KANSL1L: variants seen among roughly 807,000 people sequenced by gnomAD.
The protein encoded by KANSL1L is KAT8 regulatory NSL complex subunit 1 like, also known as KAT8 regulatory NSL complex subunit 1-like protein.
KANSL1L carries 25 observed loss-of-function variants against 108.6 expected under a neutral mutation model. The ratio of observed to expected loss-of-function variants is 0.23; its 90% confidence interval spans 0.17 to 0.32. The LOEUF (loss-of-function observed/expected upper bound fraction) is 0.32. Ranked by LOEUF, KANSL1L falls within the 10% of genes least tolerant of loss-of-function variation. The pLI is 1.00. For synonymous variants in KANSL1L, 405 were observed against 395.1 expected (o/e 1.03, Z -0.30); for missense variants, 1,137 against 1,125.7 (o/e 1.01, Z -0.14).
In KANSL1L at chr2:210,154,009, A is replaced by G. The variant is rs992268959; in HGVS notation, c.574T>C (p.Leu192=). The G allele has an allele frequency of 7.4e-6, 12 of 1,613,828 alleles. No individual in the cohort carries two copies. Among genetic ancestry groups the G allele is most frequent in the Non-Finnish European group, 1.0e-5 (12 of 1,180,020 alleles). ...ATTTTCTTTTGAGTACAGTGCAATA[A>G]ACCCTTTTTAATCTCAGCATCAGTA... ...KVTDAEIKKG[L]LHCTQKKIVP... Residue 192 remains leucine (L), a synonymous_variant, in exon 2 of 15, where the codon TTA becomes CTA. Coordinates refer to ENST00000281772, the MANE Select transcript of KANSL1L (RefSeq NM_152519.4).
intron 6 of KANSL1L, among the ~76,000 whole-genome samples, chr2:210,074,960 T>A (rs969403081): frequency 6.6e-6 from 1 of 152,216 alleles, no homozygotes; most frequent in Non-Finnish European, 1.5e-5. Context: ...AAAGGAAGTA[T>A]ACCCATTATT....
At chr2:210,079,640 A>ATGTG (rs1163392635) in intron 5 of KANSL1L, among the ~76,000 whole-genome samples, 9 of 5,016 alleles carry the variant, frequency 1.8e-3, no homozygotes, top group Admixed American at 9.1e-3. Context: ...ATATATATAT[A>ATGTG]TATATATATA....
At chr2:210,117,391 A>G (rs1477434442) in intron 3 of KANSL1L, among the ~76,000 whole-genome samples, 1 of 152,160 alleles carries the variant, frequency 6.6e-6, no homozygotes, top group African/African-American at 2.4e-5. Flanking sequence ...ATTCAAGTAC[A>G]AGAAGGTTAT....
intron 1 of KANSL1L, among the ~76,000 whole-genome samples, chr2:210,164,680 G>T (rs2095377657): frequency 6.6e-6 from 1 of 151,852 alleles, no homozygotes; most frequent in South Asian, 2.1e-4. Context: ...ACACAGAAAT[G>T]AAAATATCAA....
At chr2:210,159,672 T>G (rs1301681449) in intron 1 of KANSL1L, among the ~76,000 whole-genome samples, 1 of 152,258 alleles carries the variant, frequency 6.6e-6, no homozygotes, top group Non-Finnish European at 1.5e-5. Flanking sequence ...ATTACTATTT[T>G]TTAATTGTAC....
rs928121249 is a variant in KANSL1L, at chr2:210,087,976, A to G, written c.1550+10110T>C. 3.3e-5 allele frequency among the ~76,000 whole-genome samples: 5 copies of G among 150,932 alleles called. No individual in the cohort carries two copies. The South Asian group carries it at 6.3e-4, about 19-fold the overall frequency. ...TTTGTGTGATCATTTAGGTGGTGTC[A>G]TTTTTTTTTCACAACTAGACTTTAT... is the stretch of plus-strand genomic sequence containing the variant. On this transcript the variant is annotated intron_variant, in intron 5 of 14. Transcript: ENST00000281772.
At chr2:210,042,590 G>A (rs541926006) in intron 7 of KANSL1L, among the ~76,000 whole-genome samples, 14 of 152,074 alleles carry the variant, frequency 9.2e-5, no homozygotes, top group Non-Finnish European at 1.8e-4. Context: ...ACGAAGCTTA[G>A]TTTTCTCATA....
chr2:210,085,352 A>G (rs1040357840), intron 5 of KANSL1L, among the ~76,000 whole-genome samples: 3 of 152,184 alleles, frequency 2.0e-5, no homozygotes, highest in Non-Finnish European at 1.5e-5. Context: ...TTCCACAATA[A>G]GAGTAGATGG....
chr2:210,081,155 A>C (rs2094586813), intron 5 of KANSL1L, among the ~76,000 whole-genome samples: 1 of 152,080 alleles, frequency 6.6e-6, no homozygotes, highest in African/African-American at 2.4e-5. Flanking sequence ...TAACAAGGCC[A>C]AATGGAGCAC....
chr2:210,071,033 C>T lies in KANSL1L; in HGVS notation c.1755+4519G>A, dbSNP rs550816995. Among the ~76,000 whole-genome samples the T allele has an allele frequency of 7.9e-5, 12 of 151,938 alleles. No homozygotes were observed. The South Asian group carries it at 2.5e-3, about 32-fold the overall frequency. ...ATTAGCCGGGTGTGGTGGCGGGCAC[C>T]TGTAATCCCAGCTACTTGGGAGGCT... On this transcript the variant is annotated intron_variant, in intron 6 of 14. Coordinates refer to ENST00000281772, the MANE Select transcript of KANSL1L (RefSeq NM_152519.4).
upstream of KANSL1L, among the ~76,000 whole-genome samples, chr2:210,172,150 G>C (rs1688373954): frequency 6.6e-6 from 1 of 152,090 alleles, no homozygotes; most frequent in African/African-American, 2.4e-5. Context: ...ACTTCTGAGC[G>C]TCTTGCACCT....
chr2:210,123,131 T>A (rs2125516563), intron 3 of KANSL1L, among the ~76,000 whole-genome samples: 2 of 152,188 alleles, frequency 1.3e-5, no homozygotes, highest in Middle Eastern at 6.8e-3. Context: ...GCTTGGAGCT[T>A]CCTTGAAAAA....
intron 5 of KANSL1L, among the ~76,000 whole-genome samples, chr2:210,086,609 G>A (rs958010192): frequency 6.6e-6 from 1 of 151,962 alleles, no homozygotes; most frequent in Non-Finnish European, 1.5e-5. Context: ...AATTAACCAG[G>A]TAAGTTTACT....
intron 6 of KANSL1L, among the ~76,000 whole-genome samples, chr2:210,046,722 G>A (rs2094227564): frequency 6.6e-6 from 1 of 152,108 alleles, no homozygotes; most frequent in African/African-American, 2.4e-5. Context: ...TGCCATTCAA[G>A]GTGACTTGGG....
At chr2:210,159,226 T>A (rs1437044038) in intron 1 of KANSL1L, among the ~76,000 whole-genome samples, 2 of 152,240 alleles carry the variant, frequency 1.3e-5, no homozygotes, top group Non-Finnish European at 2.9e-5. Flanking sequence ...CTCTATGCTG[T>A]ATTTGAAACA....
At chr2:210,043,453 G>A (rs2094190159) in intron 7 of KANSL1L, 1 of 154,472 alleles carries the variant, frequency 6.5e-6, no homozygotes, top group Admixed American at 6.5e-5. Context: ...CATTTACTCA[G>A]TTATAAAGTA....
chr2:210,131,827 G>A (rs2095123582), intron 2 of KANSL1L, among the ~76,000 whole-genome samples: 1 of 151,588 alleles, frequency 6.6e-6, no homozygotes, highest in African/African-American at 2.4e-5. Context: ...AGCCTCCTGA[G>A]TAGCTGGGAT....
At chr2:210,150,313 T>C (rs977800546) in intron 2 of KANSL1L, among the ~76,000 whole-genome samples, 10 of 152,062 alleles carry the variant, frequency 6.6e-5, no homozygotes, top group African/African-American at 2.4e-4. Context: ...TGGTGAAAAA[T>C]AGGAGGTACG....
chr2:210,085,709 G>T (rs753495831), intron 5 of KANSL1L, among the ~76,000 whole-genome samples: 1 of 151,324 alleles, frequency 6.6e-6, no homozygotes. Context: ...TTTAGTGTCC[G>T]CATTTTTCCA....
Sources: gnomAD v4.1 joint callset for allele counts (sites outside exome capture counted in the v4.1 genomes callset) on GRCh38, gnomAD v4.1.1 for gene constraint, MANE v1.5 for transcripts, NCBI Gene and HGNC (gene_info 2026-07-23, HGNC 2026-07-21) for gene names.